The following COL22A1 variants were observed in gnomAD, a reference collection of about 807,000 sequenced individuals.
COL22A1 encodes collagen alpha-1(XXII) chain.
Under a neutral mutation model 248.9 loss-of-function variants are expected in COL22A1, and 221 were observed. That is an observed-to-expected ratio of 0.89 (90% confidence interval 0.80 to 0.99). The LOEUF is 0.99. Among genes scored for constraint, COL22A1 ranks in the 50% least tolerant of loss-of-function variants. The pLI is 0.00. For missense variants in COL22A1, 2,240 were observed against 2,179.0 expected (o/e 1.03, Z -0.56); for synonymous variants, 891 against 793.4 (o/e 1.12, Z -2.07).
intron 47 of COL22A1, among the ~76,000 whole-genome samples, chr8:138,638,304 T>G (rs945072308): frequency 2.0e-5 from 3 of 152,208 alleles, no homozygotes; most frequent in Non-Finnish European, 2.9e-5. Flanking sequence ...TGACTGTAGG[T>G]CAATCTTTGT....
At chr8:138,607,649 C>A (rs550552616) in intron 57 of COL22A1, among the ~76,000 whole-genome samples, 1 of 152,146 alleles carries the variant, frequency 6.6e-6, no homozygotes, top group Admixed American at 6.5e-5. Flanking sequence ...TTCTACCCTA[C>A]AACTTTGTTA....
intron 23 of COL22A1, among the ~76,000 whole-genome samples, chr8:138,730,710 GA>G (rs1563680124): frequency 1.3e-5 from 2 of 152,276 alleles, no homozygotes; most frequent in South Asian, 4.1e-4. Flanking sequence ...AGAGACAAAA[GA>G]GGTGCTCGAA....
At chr8:138,857,724 C>T (rs1822150061) in intron 3 of COL22A1, among the ~76,000 whole-genome samples, 1 of 152,226 alleles carries the variant, frequency 6.6e-6, no homozygotes. Flanking sequence ...ACGGACTCAG[C>T]TTCAGCATCA....
chr8:138,686,452 T>A (rs911068696), intron 37 of COL22A1, among the ~76,000 whole-genome samples: 5 of 151,942 alleles, frequency 3.3e-5, no homozygotes, highest in African/African-American at 1.2e-4. Flanking sequence ...GGAGCAGAGG[T>A]AAGGTAAGAT....
chr8:138,846,382 C>G (rs1821246029), intron 3 of COL22A1, among the ~76,000 whole-genome samples: 1 of 152,204 alleles, frequency 6.6e-6, no homozygotes, highest in Non-Finnish European at 1.5e-5. Flanking sequence ...CATTGAGTCA[C>G]ATCTCTGCAA....
chr8:138,811,318 C>G (rs1818203096), intron 9 of COL22A1, among the ~76,000 whole-genome samples: 1 of 150,110 alleles, frequency 6.7e-6, no homozygotes, highest in African/African-American at 2.5e-5. Flanking sequence ...CATACATACA[C>G]ACACATATAT....
At chr8:138,883,555 C>T (rs1361353393) in intron 1 of COL22A1, among the ~76,000 whole-genome samples, 2 of 152,200 alleles carry the variant, frequency 1.3e-5, no homozygotes, top group Admixed American at 6.5e-5. Flanking sequence ...CTCTGTGTCA[C>T]CACCCAAATC....
chr8:138,902,986 C>A (rs1462361667), intron 1 of COL22A1, among the ~76,000 whole-genome samples: 2 of 152,240 alleles, frequency 1.3e-5, no homozygotes, highest in African/African-American at 4.8e-5. Flanking sequence ...TACCACTAAT[C>A]ACCCATGGAT....
At chr8:138,692,688 T>A (rs1207512115) in intron 35 of COL22A1, among the ~76,000 whole-genome samples, 1 of 152,042 alleles carries the variant, frequency 6.6e-6, no homozygotes, top group Non-Finnish European at 1.5e-5. Context: ...CAGGCCTTGT[T>A]CCCCACTGTC....
chr8:138,729,847 G>A (rs1480400894), intron 23 of COL22A1, among the ~76,000 whole-genome samples: 1 of 152,098 alleles, frequency 6.6e-6, no homozygotes, highest in Non-Finnish European at 1.5e-5. Flanking sequence ...CGCCTTGGGG[G>A]TTACATTCAG....
chr8:138,837,282 G>A (rs1820510277), intron 4 of COL22A1, among the ~76,000 whole-genome samples: 1 of 152,190 alleles, frequency 6.6e-6, no homozygotes, highest in South Asian at 2.1e-4. Flanking sequence ...CCTCCAGAGT[G>A]CATGACTGGG....
At position 138,728,222 on chromosome 8, in the gene COL22A1, G is replaced by A. The variant is rs117424178; in HGVS notation, c.2140-2782C>T. ...TTTATGATTTTTTTGTAGAAACAGG[G>A]ACTTGCTATATTGCACAGGCCGATC... On this transcript the variant is annotated intron_variant, in intron 23 of 64. Coordinates refer to ENST00000303045, the MANE Select transcript of COL22A1 (RefSeq NM_152888.3). 2.5e-3 allele frequency among the ~76,000 whole-genome samples: 382 copies of A among 152,028 alleles called. 1 individual carries two copies. The highest frequency in any genetic ancestry group is 4.1e-3 in the Non-Finnish European group (276 of 67,980).
chr8:138,705,895 T>G (rs1828389917), intron 30 of COL22A1, among the ~76,000 whole-genome samples: 1 of 152,128 alleles, frequency 6.6e-6, no homozygotes, highest in Admixed American at 6.5e-5. Context: ...CCATCTCACA[T>G]GCAGAGACAC....
intron 3 of COL22A1, among the ~76,000 whole-genome samples, chr8:138,855,834 C>A (rs1385831031): frequency 6.6e-6 from 1 of 152,208 alleles, no homozygotes; most frequent in South Asian, 2.1e-4. Flanking sequence ...CTGTCCCCAC[C>A]GACGTAGCTT....
At chr8:138,806,384 G>T (rs1262999710) in intron 10 of COL22A1, among the ~76,000 whole-genome samples, 1 of 151,844 alleles carries the variant, frequency 6.6e-6, no homozygotes, top group East Asian at 1.9e-4. Context: ...TGGGGGCAAA[G>T]CAGGGAAGGG....
intron 60 of COL22A1, among the ~76,000 whole-genome samples, chr8:138,599,724 T>C (rs1817848734): frequency 6.6e-6 from 1 of 152,042 alleles, no homozygotes; most frequent in Non-Finnish European, 1.5e-5. Context: ...GACTCTGTTT[T>C]TTAAAAAAGA....
intron 32 of COL22A1, among the ~76,000 whole-genome samples, chr8:138,696,231 C>T (rs890283627): frequency 3.9e-5 from 6 of 152,138 alleles, no homozygotes; most frequent in African/African-American, 1.4e-4. Context: ...AGGAGCAGAA[C>T]CTGCTACTGT....
At chr8:138,629,209 T>G (rs1016845865) in intron 50 of COL22A1, among the ~76,000 whole-genome samples, 1 of 152,078 alleles carries the variant, frequency 6.6e-6, no homozygotes, top group Non-Finnish European at 1.5e-5. Flanking sequence ...CAGGCTGGAG[T>G]GCAGTGGTGC....
intron 4 of COL22A1, among the ~76,000 whole-genome samples, chr8:138,837,022 T>C (rs1820491158): frequency 6.6e-6 from 1 of 152,166 alleles, no homozygotes; most frequent in South Asian, 2.1e-4. Context: ...CCGGTTTTGT[T>C]GAGCCTGTTT....
Sources: allele counts gnomAD v4.1 joint callset (sites outside exome capture counted in the v4.1 genomes callset), GRCh38; gene constraint gnomAD v4.1.1; transcripts MANE v1.5; gene names NCBI Gene and HGNC (gene_info 2026-07-23, HGNC 2026-07-21).